The following PLAC1 variants were observed in gnomAD, a reference collection of about 807,000 sequenced individuals.
PLAC1 encodes placenta-specific protein 1.
For missense variants in PLAC1, 136 were observed against 163.2 expected (o/e 0.83, Z 0.91); for synonymous variants, 68 against 62.1 (o/e 1.09, Z -0.44).
chrX:134,569,622 C>T lies in PLAC1; in HGVS notation c.-58-2882G>A, dbSNP rs1006453466. Among the ~76,000 whole-genome samples the T allele has an allele frequency of 4.5e-5, 5 of 110,819 alleles. No individual in the cohort carries two copies. In the East Asian group the frequency reaches 8.5e-4, roughly 19 times the overall value. On this transcript the variant is annotated intron_variant, in intron 2 of 2. Transcript: ENST00000359237. ...CAGAATGTACTTTCTAATGAGCTTG[C>T]GAATGCCCAGCTCATTGGCACACTT...
At chrX:134,680,672 G>C (rs1369858840) in intron 2 of PLAC1, among the ~76,000 whole-genome samples, 2 of 111,755 alleles carry the variant, frequency 1.8e-5, no homozygotes, top group African/African-American at 3.3e-5. Context: ...CCCAGCTAAG[G>C]GTTTGGAAAA....
At chrX:134,713,790 C>T (rs771500192) in intron 2 of PLAC1, among the ~76,000 whole-genome samples, 1 of 111,981 alleles carries the variant, frequency 8.9e-6, no homozygotes, top group African/African-American at 3.2e-5. Context: ...GGGATCCCTG[C>T]GGCTTGTGTC....
At position 134,760,802 on chromosome X, in the gene PLAC1, G is replaced by A. The variant is rs371317254; in HGVS notation, n.89+3432C>T. Among the ~76,000 whole-genome samples the A allele has an allele frequency of 5.2e-4, 58 of 111,372 alleles. 6 individuals are homozygous for A. Among genetic ancestry groups the A allele is most frequent in the East Asian group, 4.2e-3 (15 of 3,542 alleles). On this transcript the variant is annotated intron_variant and non_coding_transcript_variant, in intron 1 of 2. Coordinates refer to the PLAC1 transcript ENST00000466797. ...AGCTAGCCTGTGGCTTGCTTTGGTC[G>A]ACAGAATAAGACAGTTACGTTGTGC... is the stretch of plus-strand genomic sequence containing the variant.
chrX:134,604,344 T>C (rs1390620164), intron 1 of PLAC1: 1 of 112,587 alleles, frequency 8.9e-6, no homozygotes, highest in Non-Finnish European at 1.9e-5. Flanking sequence ...TAAGCTGCCC[T>C]TGGCAGCTAC....
intron 2 of PLAC1, among the ~76,000 whole-genome samples, chrX:134,701,242 G>T (rs1176577402): frequency 9.0e-6 from 1 of 111,719 alleles, no homozygotes; most frequent in East Asian, 2.8e-4. Context: ...ATATGCAGAA[G>T]AATGAAACTG....
At chrX:134,650,370 C>T (rs999220379) in intron 1 of PLAC1, among the ~76,000 whole-genome samples, 1 of 111,627 alleles carries the variant, frequency 9.0e-6, no homozygotes, top group East Asian at 2.8e-4. Context: ...GACAGCAGCA[C>T]GGAGAGACAG....
upstream of PLAC1, among the ~76,000 whole-genome samples, chrX:134,662,774 T>C (rs1053689139): frequency 1.1e-4 from 12 of 110,912 alleles, no homozygotes; most frequent in Non-Finnish European, 2.1e-4. Flanking sequence ...TACAAAATAA[T>C]AAAAAGTATC....
At chrX:134,593,641 A>G (rs765016041) in intron 2 of PLAC1, among the ~76,000 whole-genome samples, 10 of 111,880 alleles carry the variant, frequency 8.9e-5, no homozygotes, top group Non-Finnish European at 1.9e-4. Flanking sequence ...ATATACACCT[A>G]AGTCTTTTTT....
chrX:134,721,177 A>G (rs1358931366), intron 2 of PLAC1, among the ~76,000 whole-genome samples: 1 of 112,923 alleles, frequency 8.9e-6, no homozygotes, highest in Non-Finnish European at 1.9e-5. Flanking sequence ...ACAAATGGCC[A>G]ATAAGTACAC....
intron 1 of PLAC1, among the ~76,000 whole-genome samples, chrX:134,632,541 TCTC>T (rs1277991015): frequency 9.0e-6 from 1 of 111,513 alleles, no homozygotes; most frequent in African/African-American, 3.3e-5. Context: ...TTCTAACTGA[TCTC>T]CTCTTCCTGC....
At chrX:134,583,626 A>G (rs1258815062) in intron 2 of PLAC1, among the ~76,000 whole-genome samples, 1 of 110,064 alleles carries the variant, frequency 9.1e-6, no homozygotes, top group Non-Finnish European at 1.9e-5. Flanking sequence ...AGGTCTGAAA[A>G]ACTGCACGTA....
At chrX:134,753,965 T>C (rs749858772) in intron 1 of PLAC1, among the ~76,000 whole-genome samples, 1 of 112,413 alleles carries the variant, frequency 8.9e-6, no homozygotes, top group African/African-American at 3.2e-5. Context: ...AAAAATACTA[T>C]CAATGTTTAA....
intron 1 of PLAC1, among the ~76,000 whole-genome samples, chrX:134,636,900 G>A (rs777315195): frequency 2.9e-4 from 32 of 111,941 alleles, no homozygotes; most frequent in Non-Finnish European, 2.3e-4. Flanking sequence ...TCAGCCCCTC[G>A]ACAAGAGGCC....
At chrX:134,662,787 G>A, upstream of PLAC1, among the ~76,000 whole-genome samples, 1 of 111,313 alleles carries the variant, frequency 9.0e-6, no homozygotes, top group Non-Finnish European at 1.9e-5. Context: ...AAAGTATCCA[G>A]GCATAGTGGT....
chrX:134,710,252 A>C (rs2078623929), intron 2 of PLAC1, among the ~76,000 whole-genome samples: 1 of 111,990 alleles, frequency 8.9e-6, no homozygotes, highest in African/African-American at 3.2e-5. Context: ...CTAGTACTCA[A>C]GGAAATAAAA....
intron 1 of PLAC1, among the ~76,000 whole-genome samples, chrX:134,655,300 T>C (rs146128174): frequency 0.023 from 2,376 of 105,326 alleles, 79 homozygotes; most frequent in African/African-American, 0.077. Context: ...ACATAGTTGC[T>C]GTGTAGTTCT....
intron 1 of PLAC1, among the ~76,000 whole-genome samples, chrX:134,746,652 T>G (rs1231641099): frequency 8.9e-6 from 1 of 111,826 alleles, no homozygotes; most frequent in Non-Finnish European, 1.9e-5. Flanking sequence ...AGATGATATA[T>G]CACAGTCATT....
rs768289517 is a variant in PLAC1 at position 134,703,337 on chromosome X, T to C, written n.174+30098A>G. Among the ~76,000 whole-genome samples the C allele has an allele frequency of 1.5e-4, 17 of 111,552 alleles. No individual in the cohort carries two copies. In the South Asian group the frequency reaches 4.1e-3, roughly 27 times the overall value. On this transcript the variant is annotated intron_variant and non_coding_transcript_variant, in intron 2 of 2. Coordinates refer to the PLAC1 transcript ENST00000466797. ...CATTAAAAAATAGACTGACAATAGA[T>C]AATAAATAATACACTTCCCATCAGC...
At chrX:134,716,941 T>A (rs909905052) in intron 2 of PLAC1, among the ~76,000 whole-genome samples, 7 of 112,034 alleles carry the variant, frequency 6.2e-5, no homozygotes, top group African/African-American at 9.7e-5. Flanking sequence ...TTAAAAGAGA[T>A]AATGCATGTA....
Sources: allele counts gnomAD v4.1 joint callset (sites outside exome capture counted in the v4.1 genomes callset), GRCh38; gene constraint gnomAD v4.1.1; transcripts MANE v1.5; gene names NCBI Gene and HGNC (gene_info 2026-07-23, HGNC 2026-07-21).